NEGR1: variants seen among roughly 807,000 people sequenced by gnomAD.
NEGR1 encodes the protein IgLON family member 4.
NEGR1 carries 10 observed loss-of-function variants against 40.9 expected under a neutral mutation model. The observed-to-expected ratio is 0.24, with a 90% CI of 0.15 to 0.42. The LOEUF (loss-of-function observed/expected upper bound fraction) is 0.42, where lower values mean the gene tolerates loss of function less well. Ranked by LOEUF, NEGR1 falls within the 10% of genes least tolerant of loss-of-function variation. The pLI, the probability that NEGR1 is intolerant of heterozygous loss-of-function variation, is 1.00. For missense variants in NEGR1, 352 were observed against 438.9 expected (o/e 0.80, Z 1.77); for synonymous variants, 185 against 166.8 (o/e 1.11, Z -0.84).
intron 2 of NEGR1, among the ~76,000 whole-genome samples, chr1:71,787,592 A>G (rs375315103): frequency 3.3e-5 from 5 of 152,172 alleles, no homozygotes; most frequent in East Asian, 3.9e-4. Context: ...TCTCCTCAAA[A>G]TATCTGTGAA....
At chr1:71,719,622 G>GT (rs202130534) in intron 3 of NEGR1, among the ~76,000 whole-genome samples, 435 of 146,626 alleles carry the variant, frequency 3.0e-3, no homozygotes, top group Non-Finnish European at 3.8e-3. Context: ...AGGAGCCAGT[G>GT]TTTTTTTTTT....
chr1:72,075,462 A>C (rs763735459), intron 1 of NEGR1, among the ~76,000 whole-genome samples: 1 of 152,318 alleles, frequency 6.6e-6, no homozygotes, highest in African/African-American at 2.4e-5. Context: ...TAAAACTACT[A>C]ATATGTAAAC....
At chr1:71,833,586 G>A (rs1422830320) in intron 2 of NEGR1, among the ~76,000 whole-genome samples, 1 of 152,080 alleles carries the variant, frequency 6.6e-6, no homozygotes, top group Non-Finnish European at 1.5e-5. Context: ...GGTGGTTCTA[G>A]CAGGCTGGTA....
chr1:71,447,433 T>G (rs1646590575), intron 6 of NEGR1, among the ~76,000 whole-genome samples: 1 of 152,228 alleles, frequency 6.6e-6, no homozygotes, highest in Non-Finnish European at 1.5e-5. Flanking sequence ...TTCAAGCCTC[T>G]TAGTCCCATA....
intron 4 of NEGR1, among the ~76,000 whole-genome samples, chr1:71,613,209 G>A (rs564182913): frequency 6.6e-6 from 1 of 152,276 alleles, no homozygotes; most frequent in Non-Finnish European, 1.5e-5. Flanking sequence ...TATCGGGCTT[G>A]TGGTCTACTC....
At chr1:71,811,266 T>C (rs1657991668) in intron 2 of NEGR1, among the ~76,000 whole-genome samples, 1 of 152,120 alleles carries the variant, frequency 6.6e-6, no homozygotes. Flanking sequence ...ATATTATTTA[T>C]TTTTATAGCA....
intron 2 of NEGR1, among the ~76,000 whole-genome samples, chr1:71,824,523 C>A (rs1205509986): frequency 2.0e-5 from 3 of 151,890 alleles, no homozygotes; most frequent in Non-Finnish European, 2.9e-5. Flanking sequence ...AAAGTACATA[C>A]TTTTTAACAT....
intron 2 of NEGR1, among the ~76,000 whole-genome samples, chr1:71,918,813 C>T (rs1045480940): frequency 2.0e-5 from 3 of 152,128 alleles, no homozygotes; most frequent in African/African-American, 7.2e-5. Flanking sequence ...ACTCACTTCA[C>T]ATCATTTCAT....
At chr1:72,186,373 G>T (rs1277030745) in intron 1 of NEGR1, among the ~76,000 whole-genome samples, 8 of 151,472 alleles carry the variant, frequency 5.3e-5, no homozygotes, top group Admixed American at 1.3e-4. Flanking sequence ...AATCTAAGTG[G>T]ATCTCATTAG....
At chr1:72,181,935 A>G (rs931723203) in intron 1 of NEGR1, among the ~76,000 whole-genome samples, 5 of 152,168 alleles carry the variant, frequency 3.3e-5, no homozygotes, top group Admixed American at 6.5e-5. Context: ...GAGGATACAA[A>G]GTAGCAGATG....
intron 3 of NEGR1, among the ~76,000 whole-genome samples, chr1:71,772,795 T>TA (rs1353455081): frequency 1.3e-5 from 2 of 152,150 alleles, no homozygotes; most frequent in Non-Finnish European, 2.9e-5. Flanking sequence ...GAAATATATA[T>TA]ATGTATATAC....
chr1:71,612,161 G>A (rs1246208125), intron 4 of NEGR1, among the ~76,000 whole-genome samples: 8 of 152,206 alleles, frequency 5.3e-5, no homozygotes, highest in Non-Finnish European at 1.2e-4. Flanking sequence ...GGCAAAGCTT[G>A]CAGTGAGCCG....
At chr1:71,647,093 C>G (rs1053241672) in intron 4 of NEGR1, among the ~76,000 whole-genome samples, 2 of 151,660 alleles carry the variant, frequency 1.3e-5, no homozygotes, top group African/African-American at 4.8e-5. Flanking sequence ...TTGGTAAAAG[C>G]AAAACCGAGA....
At chr1:71,561,527 A>G (rs1648459009) in intron 6 of NEGR1, among the ~76,000 whole-genome samples, 1 of 151,772 alleles carries the variant, frequency 6.6e-6, no homozygotes, top group African/African-American at 2.4e-5. Context: ...ATGAAATGCC[A>G]ATCTCAAGCC....
intron 2 of NEGR1, among the ~76,000 whole-genome samples, chr1:71,780,072 GA>G (rs1298904518): frequency 3.0e-4 from 22 of 74,126 alleles, no homozygotes; most frequent in African/African-American, 1.1e-3. Flanking sequence ...AAAAAAAAAA[GA>G]AAAAAAATAG....
At chr1:71,626,311 T>A (rs185915734) in intron 4 of NEGR1, among the ~76,000 whole-genome samples, 1 of 151,980 alleles carries the variant, frequency 6.6e-6, no homozygotes, top group African/African-American at 2.4e-5. Flanking sequence ...GCTGCACCCA[T>A]TAACTCGTCA....
rs373985725 is a variant in NEGR1, at chr1:71,819,119, C to T, written c.410-42822G>A. On this transcript the variant is annotated intron_variant, in intron 2 of 6. Coordinates refer to ENST00000357731, the MANE Select transcript of NEGR1 (RefSeq NM_173808.3). ...CTGAAACTAGGATGACTCCTAGAAACACAGAAAAAGTGATGTTGGTGCCAG... is the reference window on the plus strand; with the variant it reads ...CTGAAACTAGGATGACTCCTAGAAATACAGAAAAAGTGATGTTGGTGCCAG... Among the ~76,000 whole-genome samples, 23 of 152,036 alleles carry T rather than the reference C, an allele frequency of 1.5e-4. 1 individual carries two copies. The South Asian group carries it at 4.1e-3, about 27-fold the overall frequency.
chr1:71,787,562 T>A (rs1401366079), intron 2 of NEGR1, among the ~76,000 whole-genome samples: 2 of 151,400 alleles, frequency 1.3e-5, no homozygotes, highest in East Asian at 3.9e-4. Flanking sequence ...AAATATTAAT[T>A]TTTTTTTTGT....
chr1:71,532,061 C>G (rs1410677108), intron 6 of NEGR1, among the ~76,000 whole-genome samples: 1 of 151,416 alleles, frequency 6.6e-6, no homozygotes, highest in African/African-American at 2.4e-5. Flanking sequence ...CCAACAAATC[C>G]TTTAACTCAG....
Sources: gnomAD v4.1 joint callset for allele counts (sites outside exome capture counted in the v4.1 genomes callset) on GRCh38, gnomAD v4.1.1 for gene constraint, MANE v1.5 for transcripts, NCBI Gene and HGNC (gene_info 2026-07-23, HGNC 2026-07-21) for gene names.